Variants in PDGFC observed in about 807,000 individuals in gnomAD.
PDGFC encodes the protein platelet derived growth factor C.
Under a neutral mutation model 35.5 loss-of-function variants are expected in PDGFC, and 12 were observed. That is an observed-to-expected ratio of 0.34 (90% CI 0.22 to 0.55). The LOEUF is 0.55. PDGFC is among the 20% of genes least tolerant of loss of function. PDGFC has a pLI of 0.91. For missense variants in PDGFC, 322 were observed against 412.4 expected, an observed-to-expected ratio of 0.78 and a Z score of 1.90; for synonymous variants, 159 against 148.8, an observed-to-expected ratio of 1.07 and a Z score of -0.50.
At chr4:156,817,370 G>A (rs1732115881) in intron 2 of PDGFC, among the ~76,000 whole-genome samples, 1 of 151,964 alleles carries the variant, frequency 6.6e-6, no homozygotes, top group African/African-American at 2.4e-5. Flanking sequence ...TAGCAATGAG[G>A]AAGAAGATAT....
At chr4:156,905,823 G>C (rs1226878205) in intron 1 of PDGFC, among the ~76,000 whole-genome samples, 1 of 151,802 alleles carries the variant, frequency 6.6e-6, no homozygotes, top group African/African-American at 2.4e-5. Flanking sequence ...ACATCTACAC[G>C]CAAGACCTAC....
chr4:156,890,943 G>A (rs535844564), intron 1 of PDGFC, among the ~76,000 whole-genome samples: 10 of 152,022 alleles, frequency 6.6e-5, no homozygotes, highest in Non-Finnish European at 1.3e-4. Context: ...ATACATTCAC[G>A]TGTCCCTTAA....
At chr4:156,805,140 T>C (rs1731724782) in intron 3 of PDGFC, among the ~76,000 whole-genome samples, 1 of 151,904 alleles carries the variant, frequency 6.6e-6, no homozygotes, top group African/African-American at 2.4e-5. Flanking sequence ...AATTGAAAAA[T>C]ATATTAAGCA....
At chr4:156,943,684 C>A (rs748395131) in intron 1 of PDGFC, among the ~76,000 whole-genome samples, 25 of 151,944 alleles carry the variant, frequency 1.6e-4, no homozygotes, top group Admixed American at 1.6e-3. Context: ...AGAAGATGGG[C>A]AGAGAAACTA....
At chr4:156,778,463 G>C (rs1730884893) in intron 3 of PDGFC, among the ~76,000 whole-genome samples, 1 of 152,016 alleles carries the variant, frequency 6.6e-6, no homozygotes, top group Admixed American at 6.6e-5. Context: ...AGCAAGTTTG[G>C]CTGCAAAAGT....
intron 1 of PDGFC, among the ~76,000 whole-genome samples, chr4:156,944,477 AAAAT>A (rs1303784424): frequency 6.6e-6 from 1 of 152,142 alleles, no homozygotes; most frequent in Non-Finnish European, 1.5e-5. Context: ...TTAAAAATGA[AAAAT>A]AAAATCCATC....
intron 1 of PDGFC, among the ~76,000 whole-genome samples, chr4:156,897,018 T>G (rs2110744668): frequency 6.6e-6 from 1 of 152,262 alleles, no homozygotes; most frequent in South Asian, 2.1e-4. Context: ...GAAGAATAAT[T>G]TAATACGCAC....
chr4:156,866,290 C>A (rs1356858335), intron 1 of PDGFC, among the ~76,000 whole-genome samples: 1 of 152,114 alleles, frequency 6.6e-6, no homozygotes, highest in African/African-American at 2.4e-5. Flanking sequence ...ATGAACTCAT[C>A]ATTTTTTATG....
chr4:156,829,830 C>T (rs1250522129), intron 2 of PDGFC, among the ~76,000 whole-genome samples: 1 of 151,960 alleles, frequency 6.6e-6, no homozygotes, highest in Non-Finnish European at 1.5e-5. Flanking sequence ...TTTCACTGAG[C>T]CTCAATATCC....
At chr4:156,966,853 T>C (rs1732478983) in intron 1 of PDGFC, among the ~76,000 whole-genome samples, 1 of 152,296 alleles carries the variant, frequency 6.6e-6, no homozygotes, top group African/African-American at 2.4e-5. Context: ...AAGCAAAGTA[T>C]ATCATCCATC....
intron 1 of PDGFC, among the ~76,000 whole-genome samples, chr4:156,945,120 T>C (rs1041049404): frequency 2.6e-5 from 4 of 151,782 alleles, no homozygotes; most frequent in Non-Finnish European, 5.9e-5. Flanking sequence ...AGTTTACTTA[T>C]TTATATGTTA....
rs537861410 is a variant in PDGFC, at chr4:156,764,069, A to G, written c.922-863T>C. ...ATGATAGAAACAATAAAGTTTAGGA[A>G]ATTGTATTTTGTTTGGATTATGAAC... On this transcript the variant is annotated intron_variant, in intron 5 of 5. Transcript: ENST00000502773. Among the ~76,000 whole-genome samples, 5 of 152,290 alleles carry G rather than the reference A, an allele frequency of 3.3e-5. No individual in the cohort carries two copies. The South Asian group carries it at 6.2e-4, about 19-fold the overall frequency.
intron 1 of PDGFC, among the ~76,000 whole-genome samples, chr4:156,958,362 G>T (rs1430856101): frequency 6.6e-6 from 1 of 150,994 alleles, no homozygotes; most frequent in Non-Finnish European, 1.5e-5. Context: ...ACATTACACA[G>T]AAACTATAAT....
intron 1 of PDGFC, among the ~76,000 whole-genome samples, chr4:156,889,269 G>T (rs967114576): frequency 6.6e-6 from 1 of 152,072 alleles, no homozygotes; most frequent in Non-Finnish European, 1.5e-5. Flanking sequence ...ATACAGGTCT[G>T]ATATTTTCCC....
chr4:156,812,866 C>G (rs1157126261), intron 2 of PDGFC, among the ~76,000 whole-genome samples: 1 of 152,122 alleles, frequency 6.6e-6, no homozygotes, highest in Non-Finnish European at 1.5e-5. Context: ...TCCTGCACCC[C>G]TCCAACCTCT....
At chr4:156,831,958 C>T (rs1461958067) in intron 2 of PDGFC, among the ~76,000 whole-genome samples, 1 of 152,100 alleles carries the variant, frequency 6.6e-6, no homozygotes, top group Non-Finnish European at 1.5e-5. Context: ...ATGCAACTTG[C>T]TGGGTTTTAA....
chr4:156,858,108 C>T (rs752282596), intron 1 of PDGFC, among the ~76,000 whole-genome samples: 7 of 151,880 alleles, frequency 4.6e-5, no homozygotes, highest in Admixed American at 2.0e-4. Context: ...TATCCTGGTG[C>T]GATTATTATT....
At chr4:156,776,844 C>G (rs1184833937) in intron 3 of PDGFC, among the ~76,000 whole-genome samples, 2 of 152,110 alleles carry the variant, frequency 1.3e-5, no homozygotes. Flanking sequence ...CATAATCAAT[C>G]TGTGCCTCAG....
At chr4:156,938,058 G>T (rs1192826427) in intron 1 of PDGFC, among the ~76,000 whole-genome samples, 1 of 151,968 alleles carries the variant, frequency 6.6e-6, no homozygotes, top group African/African-American at 2.4e-5. Flanking sequence ...TGCCAAATGA[G>T]GTGAAACAGT....
Sources: gnomAD v4.1 joint callset for allele counts (sites outside exome capture counted in the v4.1 genomes callset) on GRCh38, gnomAD v4.1.1 for gene constraint, MANE v1.5 for transcripts, NCBI Gene and HGNC (gene_info 2026-07-23, HGNC 2026-07-21) for gene names.